Variants in MAPK10 observed in about 807,000 individuals in gnomAD.
MAPK10 encodes mitogen-activated protein kinase 10, also known as JNK3 alpha protein kinase.
A neutral mutation model predicts 59.3 loss-of-function variants in MAPK10; 25 were observed. That is an observed-to-expected ratio of 0.42 (90% CI 0.31 to 0.59). The LOEUF (loss-of-function observed/expected upper bound fraction) is 0.59, where lower values mean the gene tolerates loss of function less well. MAPK10 is among the 20% of genes least tolerant of loss of function. MAPK10 has a pLI of 0.15. For missense variants in MAPK10, 351 were observed against 568.9 expected (o/e 0.62, Z 3.90); for synonymous variants, 190 against 200.5 (o/e 0.95, Z 0.44).
chr4:86,178,582 T>C (rs1356527465), intron 3 of MAPK10, among the ~76,000 whole-genome samples: 3 of 152,154 alleles, frequency 2.0e-5, no homozygotes, highest in African/African-American at 7.2e-5. Flanking sequence ...GCTAACATCA[T>C]ACTGAATAGG....
chr4:86,323,130 T>C (rs1020688668), intron 2 of MAPK10, among the ~76,000 whole-genome samples: 1 of 152,176 alleles, frequency 6.6e-6, no homozygotes, highest in Non-Finnish European at 1.5e-5. Context: ...GCTGAGGTTG[T>C]TCCACTGTGC....
intron 2 of MAPK10, among the ~76,000 whole-genome samples, chr4:86,266,758 A>G (rs920981091): frequency 6.6e-6 from 1 of 152,116 alleles, no homozygotes; most frequent in Non-Finnish European, 1.5e-5. Context: ...AATCCTCTTA[A>G]GCTTTGAATT....
At chr4:86,434,135 A>T (rs1186585970) in intron 1 of MAPK10, among the ~76,000 whole-genome samples, 1 of 152,196 alleles carries the variant, frequency 6.6e-6, no homozygotes, top group Non-Finnish European at 1.5e-5. Flanking sequence ...AAGAACATGC[A>T]GTGGGGAAAG....
At chr4:86,349,511 G>T (rs1363049105) in intron 2 of MAPK10, among the ~76,000 whole-genome samples, 1 of 152,070 alleles carries the variant, frequency 6.6e-6, no homozygotes, top group African/African-American at 2.4e-5. Context: ...GGCTAAGGTG[G>T]GAGGCAAAGC....
chr4:86,275,445 C>G (rs2094546162), intron 2 of MAPK10, among the ~76,000 whole-genome samples: 1 of 151,878 alleles, frequency 6.6e-6, no homozygotes, highest in Admixed American at 6.6e-5. Flanking sequence ...ATGGCTCATA[C>G]CAGGAATATT....
chr4:86,237,896 G>A (rs2092396512), intron 2 of MAPK10, among the ~76,000 whole-genome samples: 2 of 152,128 alleles, frequency 1.3e-5, no homozygotes, highest in South Asian at 4.1e-4. Context: ...TCCTTTTGGT[G>A]TTTTAGTCAT....
intron 2 of MAPK10, among the ~76,000 whole-genome samples, chr4:86,262,909 CTTA>C: frequency 6.6e-6 from 1 of 152,184 alleles, no homozygotes; most frequent in South Asian, 2.1e-4. Context: ...CAGCATGGAA[CTTA>C]TCAACAGACT....
intron 1 of MAPK10, among the ~76,000 whole-genome samples, chr4:86,359,288 C>CTCTCTCTGTGTGTGTGTGTG (rs796310826): frequency 1.8e-4 from 17 of 94,628 alleles, no homozygotes; most frequent in African/African-American, 6.9e-4. Flanking sequence ...CTCTCTCTCT[C>CTCTCTCTGTGTGTGTGTGTG]TGTGTGTGTG....
At chr4:86,269,063 C>A (rs2094348057) in intron 2 of MAPK10, among the ~76,000 whole-genome samples, 1 of 152,092 alleles carries the variant, frequency 6.6e-6, no homozygotes, top group South Asian at 2.1e-4. Context: ...CTAAAATGCA[C>A]CTTTCTGGGC....
At chr4:86,394,088 T>C (rs1742599132) in intron 1 of MAPK10, among the ~76,000 whole-genome samples, 1 of 152,010 alleles carries the variant, frequency 6.6e-6, no homozygotes, top group African/African-American at 2.4e-5. Flanking sequence ...CTGGCCAACA[T>C]AGTGAAACCC....
At chr4:86,172,885 A>G (rs2074678115) in intron 3 of MAPK10, among the ~76,000 whole-genome samples, 1 of 152,070 alleles carries the variant, frequency 6.6e-6, no homozygotes, top group African/African-American at 2.4e-5. Flanking sequence ...AAGAGAATAA[A>G]ATGCCTAGGA....
In MAPK10 at chr4:86,526,486, A is replaced by G. The variant is rs553475656; in HGVS notation, c.-263+67424T>C. Among the ~76,000 whole-genome samples, 5 of 152,280 alleles carry G rather than the reference A, an allele frequency of 3.3e-5. No homozygotes were observed. In the East Asian group the frequency reaches 9.6e-4, roughly 29 times the overall value. On this transcript the variant is annotated intron_variant, in intron 1 of 4. Transcript: ENST00000502302. ...TCTTTGTTAATCTAATTAGTGGTCTATTGATTCTATTGATCTTGTTCATCC... is the reference window on the plus strand; with the variant it reads ...TCTTTGTTAATCTAATTAGTGGTCTGTTGATTCTATTGATCTTGTTCATCC...
chr4:86,417,627 AT>A (rs1207006503), intron 1 of MAPK10, among the ~76,000 whole-genome samples: 3 of 152,190 alleles, frequency 2.0e-5, no homozygotes, highest in Non-Finnish European at 4.4e-5. Flanking sequence ...CATACAGATG[AT>A]TTCTGAGATT....
intron 3 of MAPK10, among the ~76,000 whole-genome samples, chr4:86,182,960 T>C (rs1428085596): frequency 2.0e-5 from 3 of 151,946 alleles, no homozygotes; most frequent in East Asian, 1.9e-4. Flanking sequence ...AAACATTCTG[T>C]ATCTACACCC....
chr4:86,534,154 A>AT (rs1758051745), intron 1 of MAPK10, among the ~76,000 whole-genome samples: 2 of 152,078 alleles, frequency 1.3e-5, no homozygotes, highest in Admixed American at 6.5e-5. Flanking sequence ...CCTGTCTTAT[A>AT]TGTCTTTATA....
intron 2 of MAPK10, among the ~76,000 whole-genome samples, chr4:86,272,000 T>C (rs2094448603): frequency 6.6e-6 from 1 of 151,942 alleles, no homozygotes; most frequent in South Asian, 2.1e-4. Context: ...CCCCTCCCAC[T>C]TCTAGTAGTG....
At chr4:86,580,435 G>A (rs1228182474) in intron 1 of MAPK10, among the ~76,000 whole-genome samples, 1 of 151,968 alleles carries the variant, frequency 6.6e-6, no homozygotes, top group South Asian at 2.1e-4. Context: ...GGAGGCAGAG[G>A]TTGCAGTGAG....
At chr4:86,195,536 T>G (rs1297748955) in intron 2 of MAPK10, among the ~76,000 whole-genome samples, 1 of 152,172 alleles carries the variant, frequency 6.6e-6, no homozygotes, top group East Asian at 1.9e-4. Context: ...GGCCGTCTGC[T>G]GATGTCTGAT....
upstream of MAPK10, among the ~76,000 whole-genome samples, chr4:86,360,433 C>G (rs1736708121): frequency 6.6e-6 from 1 of 152,188 alleles, no homozygotes; most frequent in Non-Finnish European, 1.5e-5. Context: ...CTTGTAGTAT[C>G]TCTAAACGTC....
Sources: gnomAD v4.1 joint callset for allele counts (sites outside exome capture counted in the v4.1 genomes callset) on GRCh38, gnomAD v4.1.1 for gene constraint, MANE v1.5 for transcripts, NCBI Gene and HGNC (gene_info 2026-07-23, HGNC 2026-07-21) for gene names.